DGKB: variants seen among roughly 807,000 people sequenced by gnomAD.
DGKB encodes the protein 90 kDa diacylglycerol kinase.
In DGKB, 67 loss-of-function variants were observed where a neutral mutation model predicts 114.3. The observed-to-expected ratio is 0.59, with a 90% CI of 0.48 to 0.72. The LOEUF is 0.72. DGKB is among the 30% of genes least tolerant of loss of function. The pLI, the probability that DGKB is intolerant of heterozygous loss-of-function variation, is 0.00. For missense variants in DGKB, 907 were observed against 975.2 expected, an observed-to-expected ratio of 0.93 and a Z score of 0.93; for synonymous variants, 398 against 323.1, an observed-to-expected ratio of 1.23 and a Z score of -2.49.
intron 1 of DGKB, among the ~76,000 whole-genome samples, chr7:14,932,586 A>G (rs1785078834): frequency 6.6e-6 from 1 of 152,218 alleles, no homozygotes; most frequent in African/African-American, 2.4e-5. Flanking sequence ...TGGGCAAAAT[A>G]TCTCAATGCT....
intron 23 of DGKB, among the ~76,000 whole-genome samples, chr7:14,182,118 G>A (rs990633820): frequency 2.0e-5 from 3 of 152,048 alleles, no homozygotes; most frequent in Admixed American, 1.3e-4. Context: ...TCACGTTATA[G>A]TTGTTACAAT....
rs1828684332 is a variant in DGKB, at chr7:14,718,904, C to T, written c.323-219G>A. 3.4e-5 allele frequency: 15 copies of T among 445,036 alleles called. No homozygotes were observed. In the South Asian group the frequency reaches 6.0e-4, roughly 18 times the overall value. The allele number at this position is 445,036 out of a possible 1,614,324, so 27.6% of individuals were successfully genotyped here. On this transcript the variant is annotated intron_variant, in intron 5 of 25. Transcript: ENST00000402815. ...TTGGGATCCACAGACATGGCACTGC[C>T]CTATCAGCCACGGATGGTATTTGGG...
chr7:14,410,215 C>CAT (rs1824643953), intron 21 of DGKB, among the ~76,000 whole-genome samples: 1 of 125,896 alleles, frequency 7.9e-6, no homozygotes, highest in African/African-American at 2.8e-5. Context: ...TATATATACA[C>CAT]ATATATATAC....
intron 13 of DGKB, among the ~76,000 whole-genome samples, chr7:14,654,255 A>C (rs1011155096): frequency 7.9e-5 from 12 of 152,132 alleles, no homozygotes; most frequent in African/African-American, 2.9e-4. Context: ...AAGCTAGCTG[A>C]AAAGGAACTG....
intron 2 of DGKB, among the ~76,000 whole-genome samples, chr7:14,811,617 A>G (rs1843444529): frequency 6.6e-6 from 1 of 152,166 alleles, no homozygotes; most frequent in South Asian, 2.1e-4. Flanking sequence ...TGAGTATATC[A>G]TATCAACTTC....
chr7:14,658,993 G>C lies in DGKB; in HGVS notation c.1134+13936C>G, dbSNP rs1191138502. 3.3e-5 allele frequency among the ~76,000 whole-genome samples: 5 copies of C among 151,732 alleles called. No homozygotes were observed. The East Asian group carries it at 7.8e-4, about 24-fold the overall frequency. On this transcript the variant is annotated intron_variant, in intron 13 of 25. Coordinates refer to ENST00000402815, the MANE Select transcript of DGKB (RefSeq NM_001350709.2). Reference sequence around the variant, plus strand: ...AGGTATACATGTGCCATGGTGGTTTGCTGCACCTATCAACCCATCATCTAG... The same window carrying C: ...AGGTATACATGTGCCATGGTGGTTTCCTGCACCTATCAACCCATCATCTAG...
At chr7:14,149,319 G>T in intron 25 of DGKB, 81 bp from the exon 26 acceptor site, 1 of 980,884 alleles carries the variant, frequency 1.0e-6, no homozygotes, top group Non-Finnish European at 1.5e-6. Flanking sequence ...GAGACTCTCT[G>T]TTAAGGTTAA....
chr7:14,613,762 T>G lies in DGKB; in HGVS notation c.1285-349A>C, dbSNP rs1369746035. On this transcript the variant is annotated intron_variant, in intron 15 of 25. Coordinates refer to ENST00000402815, the MANE Select transcript of DGKB (RefSeq NM_001350709.2). ...TGAACAAGCCAGAATACAGCAGAAT[T>G]TGAGGAAAAAGGGATGAGAAGCAAA... is the stretch of plus-strand genomic sequence containing the variant. 2.6e-5 allele frequency among the ~76,000 whole-genome samples: 4 copies of G among 152,092 alleles called. No homozygotes were observed. The East Asian group carries it at 7.7e-4, about 29-fold the overall frequency.
chr7:14,303,975 A>G (rs1434705550), intron 23 of DGKB, among the ~76,000 whole-genome samples: 1 of 151,550 alleles, frequency 6.6e-6, no homozygotes, highest in Non-Finnish European at 1.5e-5. Context: ...TGGATTAGAT[A>G]ATGCACTTCT....
chr7:14,377,082 G>T (rs1262409906), intron 21 of DGKB, among the ~76,000 whole-genome samples: 1 of 152,114 alleles, frequency 6.6e-6, no homozygotes, highest in Non-Finnish European at 1.5e-5. Flanking sequence ...GTTATAGGAT[G>T]GGGGGTTCTG....
intron 23 of DGKB, among the ~76,000 whole-genome samples, chr7:14,280,463 C>G (rs1799769858): frequency 1.3e-5 from 2 of 151,372 alleles, no homozygotes; most frequent in Admixed American, 6.6e-5. Context: ...AGAATTTCCC[C>G]AATCTAGCAA....
chr7:14,393,051 C>T (rs1033731980), intron 21 of DGKB, among the ~76,000 whole-genome samples: 3 of 139,086 alleles, frequency 2.2e-5, no homozygotes, highest in African/African-American at 8.0e-5. Context: ...TGCAGTGGCA[C>T]GATCTCGGCT....
At chr7:14,507,242 T>C (rs528003849) in intron 20 of DGKB, among the ~76,000 whole-genome samples, 2 of 152,288 alleles carry the variant, frequency 1.3e-5, no homozygotes, top group African/African-American at 4.8e-5. Flanking sequence ...GAGCAATGTA[T>C]TTTTTGATGC....
intron 25 of DGKB, among the ~76,000 whole-genome samples, chr7:14,173,466 A>G (rs750087608): frequency 3.9e-5 from 6 of 152,198 alleles, no homozygotes; most frequent in Non-Finnish European, 7.3e-5. Context: ...TTATCTTGAT[A>G]TTTAAGCATT....
intron 1 of DGKB, among the ~76,000 whole-genome samples, chr7:14,866,509 G>A (rs1422672810): frequency 6.6e-6 from 1 of 152,060 alleles, no homozygotes; most frequent in East Asian, 1.9e-4. Flanking sequence ...GTATATAGCT[G>A]TTCACTTAGT....
intron 17 of DGKB, among the ~76,000 whole-genome samples, chr7:14,589,027 G>A (rs1801240109): frequency 6.6e-6 from 1 of 151,978 alleles, no homozygotes; most frequent in Admixed American, 6.6e-5. Flanking sequence ...ATTCATGAAT[G>A]TAGTATTGCT....
chr7:14,308,203 C>G (rs116639349), intron 23 of DGKB, among the ~76,000 whole-genome samples: 210 of 152,096 alleles, frequency 1.4e-3, no homozygotes, highest in African/African-American at 4.8e-3. Context: ...ATGTCATAAA[C>G]ATTTTCAAAT....
intron 15 of DGKB, among the ~76,000 whole-genome samples, chr7:14,613,800 C>T (rs1231879903): frequency 2.6e-5 from 4 of 151,976 alleles, no homozygotes; most frequent in African/African-American, 9.7e-5. Context: ...AAGAGATCAA[C>T]TTATAGAGAG....
chr7:14,619,765 T>A (rs1469933583), intron 15 of DGKB, among the ~76,000 whole-genome samples: 1 of 151,708 alleles, frequency 6.6e-6, no homozygotes, highest in Non-Finnish European at 1.5e-5. Context: ...AACATCAACA[T>A]GATTTTGAAA....
Sources: gnomAD v4.1 joint callset for allele counts (sites outside exome capture counted in the v4.1 genomes callset) on GRCh38, gnomAD v4.1.1 for gene constraint, MANE v1.5 for transcripts, NCBI Gene and HGNC (gene_info 2026-07-23, HGNC 2026-07-21) for gene names.